KNDC1: variants seen among roughly 807,000 people sequenced by gnomAD.
KNDC1 encodes the protein kinase non-catalytic C-lobe domain-containing protein 1.
A neutral mutation model predicts 172.8 loss-of-function variants in KNDC1; 106 were observed. The ratio of observed to expected loss-of-function variants is 0.61; its 90% CI spans 0.52 to 0.72. KNDC1 has a LOEUF of 0.72. Among genes scored for constraint, KNDC1 ranks in the 30% least tolerant of loss-of-function variants. KNDC1 has a pLI of 0.00. For missense variants in KNDC1, 2,325 were observed against 2,394.5 expected, an observed-to-expected ratio of 0.97 and a Z score of 0.61; for synonymous variants, 1,083 against 1,062.2, an observed-to-expected ratio of 1.02 and a Z score of -0.38.
intron 28 of KNDC1, 36 bp from the exon 29 acceptor site, chr10:133,219,919 G>C (rs1375031741): frequency 3.2e-6 from 5 of 1,539,222 alleles, no homozygotes; most frequent in Admixed American, 2.0e-5. Context: ...ACCACGCCCT[G>C]TCTCTCCCCG....
chr10:133,217,415 GC>G (rs1250017691), intron 26 of KNDC1, among the ~76,000 whole-genome samples: 1 of 152,252 alleles, frequency 6.6e-6, no homozygotes, highest in Non-Finnish European at 1.5e-5. Flanking sequence ...CTGCACAGGG[GC>G]CCTGCAGACA....
intron 26 of KNDC1, among the ~76,000 whole-genome samples, chr10:133,218,003 C>T (rs34827475): frequency 0.085 from 12,619 of 148,726 alleles, 885 homozygotes; most frequent in African/African-American, 0.19. Flanking sequence ...GAGGCTGCAC[C>T]GAGCCGAGAT....
At chr10:133,219,735 G>A (rs548756432) in intron 28 of KNDC1, among the ~76,000 whole-genome samples, 1 of 152,360 alleles carries the variant, frequency 6.6e-6, no homozygotes, top group Admixed American at 6.5e-5. Flanking sequence ...CCTCCCAGCG[G>A]CTGTCAGGGC....
At chr10:133,217,439 G>C (rs142466864) in intron 26 of KNDC1, among the ~76,000 whole-genome samples, 6 of 152,194 alleles carry the variant, frequency 3.9e-5, no homozygotes, top group Non-Finnish European at 8.8e-5. Flanking sequence ...AGTTGAGCCC[G>C]GGGGCAGGCG....
intron 29 of KNDC1, among the ~76,000 whole-genome samples, chr10:133,221,004 T>A (rs889884671): frequency 2.0e-5 from 3 of 152,094 alleles, no homozygotes; most frequent in African/African-American, 4.8e-5. Flanking sequence ...TCCAGCCACC[T>A]CCTTCTCTGC....
chr10:133,194,055 AC>A (rs1854125688), intron 9 of KNDC1, among the ~76,000 whole-genome samples: 1 of 152,332 alleles, frequency 6.6e-6, no homozygotes, highest in South Asian at 2.1e-4. Flanking sequence ...GAACTCAACA[AC>A]ACTGTCAATC....
At chr10:133,220,410 T>G (rs113769057) in intron 29 of KNDC1, among the ~76,000 whole-genome samples, 858 of 1,846 alleles carry the variant, frequency 0.46, 296 homozygotes, top group African/African-American at 0.85. Flanking sequence ...GGTGAGGAGG[T>G]GCTCAGGCGG....
chr10:133,205,643 T>A (rs1434597337), intron 17 of KNDC1, among the ~76,000 whole-genome samples: 1 of 152,246 alleles, frequency 6.6e-6, no homozygotes, highest in African/African-American at 2.4e-5. Flanking sequence ...ACAGGCCAGC[T>A]GGAATCCGCA....
intron 3 of KNDC1, among the ~76,000 whole-genome samples, chr10:133,176,923 T>C (rs1853552413): frequency 1.3e-5 from 2 of 152,210 alleles, no homozygotes; most frequent in African/African-American, 2.4e-5. Flanking sequence ...AGCTCGGAAA[T>C]GTGCAGACGT....
rs1845341455 is a variant in KNDC1 at position 133,210,550 on chromosome 10, C to T, written c.3795-61C>T. 3.0e-6 allele frequency: 3 copies of T among 989,584 alleles called. No homozygotes were observed. In the Admixed American group the frequency reaches 5.1e-5, roughly 17 times the overall value. The allele number at this position is 989,584 out of a possible 1,614,324, so 61.3% of individuals were successfully genotyped here. On this transcript the variant is annotated intron_variant, in intron 20 of 29. Transcript: ENST00000304613. ...TACAGTCACACCCCACCACCGAACA[C>T]TAGCCGAGCCCTGGGGTGCGGCCAC...
chr10:133,183,494 A>G lies in KNDC1; in HGVS notation c.507+4A>G, dbSNP rs374332295. On this transcript the variant is annotated splice_donor_region_variant and intron_variant, in intron 4 of 29. Transcript: ENST00000304613. Reference sequence around the variant, plus strand: ...CGGGGACCGGCCGGACCTTGAGGTAAGCGAGGCTGCCCTGGGCCACCCCAG... The same window carrying G: ...CGGGGACCGGCCGGACCTTGAGGTAGGCGAGGCTGCCCTGGGCCACCCCAG... 126 of 1,597,546 alleles carry G rather than the reference A, an allele frequency of 7.9e-5. No individual in the cohort carries two copies. The highest frequency in any genetic ancestry group is 8.3e-5 in the Non-Finnish European group (97 of 1,175,286).
chr10:133,206,856 G>A lies in KNDC1; in HGVS notation c.3482G>A (p.Gly1161Asp), dbSNP rs750962238. ...KLLQKEKRNK[G>D]SDVKTMLSKL... Reference sequence around the variant, plus strand: ...CCCACCCACTCTGCTCCACCCACAGGTTCCGACGTCAAGACCATGCTGTCC... The same window carrying A: ...CCCACCCACTCTGCTCCACCCACAGATTCCGACGTCAAGACCATGCTGTCC... Residue 1161 changes from glycine to aspartate, a missense_variant and splice_region_variant, in exon 19 of 30, where the codon GGT (glycine) becomes GAT (aspartate). Physicochemically the swap from Gly to Asp is moderately conservative, Grantham distance 94 (BLOSUM62 -1). Transcript: ENST00000304613. 1.9e-6 allele frequency: 3 copies of A among 1,613,988 alleles called. No individual in the cohort carries two copies. The highest frequency in any genetic ancestry group is 1.3e-5 in the African/African-American group (1 of 74,948).
intron 5 of KNDC1, among the ~76,000 whole-genome samples, chr10:133,184,634 G>A (rs4838672): frequency 0.39 from 59,105 of 152,136 alleles, 13,299 homozygotes; most frequent in South Asian, 0.65. Flanking sequence ...TGCCTCACAC[G>A]TGGTCAGACA....
chr10:133,197,902 GTGGCCCA>G (rs1854239563), intron 12 of KNDC1, 134 bp downstream of exon 12: 1 of 759,014 alleles, frequency 1.3e-6, no homozygotes, highest in African/African-American at 1.7e-5. Flanking sequence ...CTCGGCCAAC[GTGGCCCA>G]TGCAGCCCAG....
At position 133,201,901 on chromosome 10, in the gene KNDC1, GAGT is replaced by G. The variant is rs1854382752; in HGVS notation, c.3387+4_3387+6del. 6.8e-7 allele frequency: 1 copy of G among 1,475,468 alleles called. No individual in the cohort carries two copies. The highest frequency in any genetic ancestry group is 9.0e-7 in the Non-Finnish European group (1 of 1,115,064). 91.4% of individuals were successfully genotyped at this position (1,475,468 alleles called of 1,614,324 possible). The stretch of plus-strand genomic sequence containing the variant: ...CCCTGCCCGACGCCCAGAGCCCGGT[GAGT>G]CCCAGGCCTTGGCACTGCCGGGTGG... On this transcript the variant is annotated splice_donor_5th_base_variant and intron_variant, in intron 17 of 29. Transcript: ENST00000304613.
At chr10:133,212,983 G>A (rs531239003) in intron 24 of KNDC1, 61 bp downstream of exon 24, 84 of 1,428,268 alleles carry the variant, frequency 5.9e-5, no homozygotes, top group Middle Eastern at 3.7e-4. Context: ...GAAACACTCC[G>A]CGCCCATAGG....
intron 3 of KNDC1, among the ~76,000 whole-genome samples, chr10:133,169,036 G>T (rs990388722): frequency 2.0e-5 from 3 of 152,380 alleles, no homozygotes; most frequent in East Asian, 1.9e-4. Flanking sequence ...CCCATTGGTG[G>T]TTCCTACTGT....
intron 3 of KNDC1, among the ~76,000 whole-genome samples, chr10:133,179,534 C>T (rs542407845): frequency 3.9e-5 from 6 of 152,314 alleles, no homozygotes; most frequent in South Asian, 4.1e-4. Context: ...GAGTGTAACC[C>T]GCTTCCTACC....
chr10:133,168,917 G>C (rs567518057), intron 3 of KNDC1, among the ~76,000 whole-genome samples: 1 of 152,332 alleles, frequency 6.6e-6, no homozygotes, highest in South Asian at 2.1e-4. Flanking sequence ...GCAGCCCAGC[G>C]CCTTGAGGTC....
Sources: gnomAD v4.1 joint callset for allele counts (sites outside exome capture counted in the v4.1 genomes callset) on GRCh38, gnomAD v4.1.1 for gene constraint, MANE v1.5 for transcripts, NCBI Gene and HGNC (gene_info 2026-07-23, HGNC 2026-07-21) for gene names.